SPATA7: variants seen among roughly 807,000 people sequenced by gnomAD.
SPATA7 encodes spermatogenesis associated 7, also known as spermatogenesis-associated protein 7.
A neutral mutation model predicts 51.8 loss-of-function variants in SPATA7; 43 were observed. The observed-to-expected ratio is 0.83, with a 90% confidence interval of 0.65 to 1.07. The LOEUF (loss-of-function observed/expected upper bound fraction) is 1.07. SPATA7 is among the 50% of genes least tolerant of loss of function. The pLI, the probability that SPATA7 is intolerant of heterozygous loss-of-function variation, is 0.00. For missense variants in SPATA7, 683 were observed against 701.3 expected (o/e 0.97, Z 0.30); for synonymous variants, 230 against 252.8 (o/e 0.91, Z 0.86).
intron 4 of SPATA7, among the ~76,000 whole-genome samples, chr14:88,404,778 A>T (rs907531844): frequency 6.6e-6 from 1 of 152,198 alleles, no homozygotes; most frequent in African/African-American, 2.4e-5. Context: ...TTGCTAGAGT[A>T]ACAAAATAAC....
intron 2 of SPATA7, among the ~76,000 whole-genome samples, chr14:88,392,609 CAT>C (rs1272116961): frequency 3.3e-5 from 5 of 152,078 alleles, no homozygotes; most frequent in African/African-American, 7.2e-5. Context: ...TAAACAGTAA[CAT>C]AGTATATTTC....
At chr14:88,452,615 G>A (rs184048136) in intron 3 of SPATA7, among the ~76,000 whole-genome samples, 62 of 152,228 alleles carry the variant, frequency 4.1e-4, no homozygotes, top group Non-Finnish European at 7.2e-4. Context: ...AGTTCTTGGA[G>A]CAAAAGTTCA....
intron 4 of SPATA7, among the ~76,000 whole-genome samples, chr14:88,462,103 A>G (rs2077321412): frequency 6.6e-6 from 1 of 152,206 alleles, no homozygotes; most frequent in South Asian, 2.1e-4. Context: ...TTACATTTCA[A>G]TAAATATTAA....
chr14:88,440,207 C>T (rs1207743607), downstream of SPATA7, among the ~76,000 whole-genome samples: 1 of 152,100 alleles, frequency 6.6e-6, no homozygotes, highest in South Asian at 2.1e-4. Flanking sequence ...TCTGTCTTTC[C>T]GGAGGCATTC....
At chr14:88,433,579 C>A (rs1289264682) in intron 10 of SPATA7, among the ~76,000 whole-genome samples, 1 of 152,012 alleles carries the variant, frequency 6.6e-6, no homozygotes, top group African/African-American at 2.4e-5. Context: ...TTGGTGCAAC[C>A]ATTATTAGTA....
chr14:88,433,255 A>G, intron 10 of SPATA7, 43 bp downstream of exon 10: 5 of 1,331,668 alleles, frequency 3.8e-6, no homozygotes, highest in Non-Finnish European at 5.4e-6. Context: ...GGAGTACATT[A>G]AATATTCTTC....
At chr14:88,434,553 T>C (rs1595294122) in intron 10 of SPATA7, among the ~76,000 whole-genome samples, 2 of 151,730 alleles carry the variant, frequency 1.3e-5, no homozygotes, top group Non-Finnish European at 2.9e-5. Flanking sequence ...GGCGTGGTGG[T>C]GCGCGCCTGT....
chr14:88,417,863 G>A (rs1309924780), intron 5 of SPATA7, among the ~76,000 whole-genome samples: 1 of 151,934 alleles, frequency 6.6e-6, no homozygotes, highest in Non-Finnish European at 1.5e-5. Context: ...TCTTCTTTCT[G>A]TACTCTAGCT....
chr14:88,396,331 C>A (rs979788210), intron 4 of SPATA7, 128 bp downstream of exon 4: 2 of 681,642 alleles, frequency 2.9e-6, no homozygotes, highest in African/African-American at 1.8e-5. Flanking sequence ...TATTGTGGTA[C>A]AATGATAACT....
At chr14:88,436,822 CT>C (rs1384964062) in intron 10 of SPATA7, among the ~76,000 whole-genome samples, 1 of 152,146 alleles carries the variant, frequency 6.6e-6, no homozygotes, top group Non-Finnish European at 1.5e-5. Flanking sequence ...GTTTTGGTTA[CT>C]GTAGCTCTGT....
At chr14:88,394,655 C>T (rs1016850909) in intron 3 of SPATA7, among the ~76,000 whole-genome samples, 2 of 152,098 alleles carry the variant, frequency 1.3e-5, no homozygotes, top group Non-Finnish European at 2.9e-5. Context: ...TTACGTTTCA[C>T]TCGGGTAAAT....
chr14:88,443,668 G>A (rs922687276), intron 3 of SPATA7, among the ~76,000 whole-genome samples: 18 of 149,568 alleles, frequency 1.2e-4, no homozygotes, highest in Admixed American at 1.1e-3. Flanking sequence ...AGAGTGTGAT[G>A]TTCCCTTTCC....
chr14:88,460,732 C>T (rs1595321603), intron 4 of SPATA7, among the ~76,000 whole-genome samples: 1 of 152,218 alleles, frequency 6.6e-6, no homozygotes, highest in Non-Finnish European at 1.5e-5. Flanking sequence ...CTCCATCCAG[C>T]TTTGTTCCGT....
chr14:88,391,916 T>C (rs888859481), intron 2 of SPATA7, among the ~76,000 whole-genome samples: 1 of 152,258 alleles, frequency 6.6e-6, no homozygotes. Flanking sequence ...ATTTTAAAGC[T>C]TTCAAGGTAC....
In SPATA7 at chr14:88,426,212, G is replaced by A; in HGVS notation, c.373-20G>A. On this transcript the variant is annotated intron_variant, in intron 5 of 11. Coordinates refer to ENST00000393545, the MANE Select transcript of SPATA7 (RefSeq NM_018418.5). ...TGAATTCGTAATGCAGTTGATGACT[G>A]TCATATCGAATGTTCTTAGCCCTCA... 1 of 1,557,996 alleles carries A rather than the reference G, an allele frequency of 6.4e-7. No homozygotes were observed. The highest frequency in any genetic ancestry group is 8.8e-7 in the Non-Finnish European group (1 of 1,130,352).
intron 4 of SPATA7, among the ~76,000 whole-genome samples, chr14:88,460,684 C>A (rs530164566): frequency 6.6e-6 from 1 of 152,222 alleles, no homozygotes; most frequent in East Asian, 1.9e-4. Flanking sequence ...GAAGTTTGAT[C>A]GTCTGAAGCC....
At chr14:88,419,902 C>G (rs917931299) in intron 5 of SPATA7, among the ~76,000 whole-genome samples, 1 of 152,028 alleles carries the variant, frequency 6.6e-6, no homozygotes, top group Non-Finnish European at 1.5e-5. Context: ...GAAGACAACA[C>G]CCCCACAGTG....
At chr14:88,426,103 C>A in intron 5 of SPATA7, 129 bp from the exon 6 acceptor site, 2 of 688,680 alleles carry the variant, frequency 2.9e-6, no homozygotes, top group South Asian at 1.7e-5. Context: ...AAAATATTAA[C>A]ATCTTCAGGA....
chr14:88,460,081 G>A (rs1048683032), downstream of SPATA7, among the ~76,000 whole-genome samples: 30 of 152,174 alleles, frequency 2.0e-4, no homozygotes, highest in Non-Finnish European at 3.4e-4. Context: ...GAGATTCGCC[G>A]TTAGTCTGAT....
Sources: allele counts gnomAD v4.1 joint callset (sites outside exome capture counted in the v4.1 genomes callset), GRCh38; gene constraint gnomAD v4.1.1; transcripts MANE v1.5; gene names NCBI Gene and HGNC (gene_info 2026-07-23, HGNC 2026-07-21).